The following VAV3 variants were observed in gnomAD, a reference collection of about 807,000 sequenced individuals.
The protein encoded by VAV3 is guanine nucleotide exchange factor VAV3.
In VAV3, 94 loss-of-function variants were observed where a neutral mutation model predicts 131.2. The ratio of observed to expected loss-of-function variants is 0.72; its 90% CI spans 0.61 to 0.85. VAV3 has a LOEUF of 0.85. Among genes scored for constraint, VAV3 ranks in the 40% least tolerant of loss-of-function variants. The pLI, the probability that VAV3 is intolerant of heterozygous loss-of-function variation, is 0.00. For synonymous variants in VAV3, 349 were observed against 342.0 expected (o/e 1.02, Z -0.22); for missense variants, 939 against 1,002.7 (o/e 0.94, Z 0.86).
chr1:107,730,785 G>A (rs1662190783), intron 15 of VAV3, among the ~76,000 whole-genome samples: 1 of 151,996 alleles, frequency 6.6e-6, no homozygotes, highest in Admixed American at 6.6e-5. Flanking sequence ...TGCTACACAG[G>A]AATACCTCTT....
At chr1:107,682,391 T>C (rs1658700280) in intron 19 of VAV3, among the ~76,000 whole-genome samples, 1 of 152,148 alleles carries the variant, frequency 6.6e-6, no homozygotes, top group Admixed American at 6.6e-5. Flanking sequence ...ATACCCCTAC[T>C]GAAAATAATA....
chr1:107,940,806 G>C (rs1366909777), intron 1 of VAV3, among the ~76,000 whole-genome samples: 3 of 152,112 alleles, frequency 2.0e-5, no homozygotes. Flanking sequence ...GTAGAAAGGG[G>C]GTTGCCAGGG....
chr1:107,824,242 G>A (rs1451153954), intron 2 of VAV3, among the ~76,000 whole-genome samples: 1 of 152,150 alleles, frequency 6.6e-6, no homozygotes, highest in Non-Finnish European at 1.5e-5. Flanking sequence ...CAAAAGAGAT[G>A]GGATAAAGTG....
intron 2 of VAV3, among the ~76,000 whole-genome samples, chr1:107,809,486 T>C (rs1231691574): frequency 6.6e-6 from 1 of 152,214 alleles, no homozygotes; most frequent in African/African-American, 2.4e-5. Context: ...CTCTAACTTA[T>C]AGCCAAGTCA....
intron 15 of VAV3, among the ~76,000 whole-genome samples, chr1:107,736,186 T>C (rs1467824901): frequency 6.6e-6 from 1 of 152,120 alleles, no homozygotes; most frequent in African/African-American, 2.4e-5. Flanking sequence ...CTCAATAAAC[T>C]AGGTACTGAT....
intron 19 of VAV3, among the ~76,000 whole-genome samples, chr1:107,662,056 T>C (rs896380922): frequency 3.9e-5 from 6 of 152,224 alleles, no homozygotes; most frequent in Non-Finnish European, 7.4e-5. Context: ...TAATTCATAA[T>C]GTGAATAATT....
intron 1 of VAV3, among the ~76,000 whole-genome samples, chr1:107,921,273 T>C (rs1440030271): frequency 3.9e-5 from 6 of 152,222 alleles, no homozygotes; most frequent in African/African-American, 7.2e-5. Flanking sequence ...ACCAGGCTAA[T>C]TGCCAGGTAT....
At chr1:107,674,154 G>C (rs1018715710) in intron 19 of VAV3, among the ~76,000 whole-genome samples, 3 of 152,120 alleles carry the variant, frequency 2.0e-5, no homozygotes, top group Non-Finnish European at 4.4e-5. Context: ...CCTTAAAATA[G>C]CTTTTAAAAA....
chr1:107,871,068 G>A (rs1466197708), intron 2 of VAV3, among the ~76,000 whole-genome samples: 5 of 152,082 alleles, frequency 3.3e-5, no homozygotes, highest in African/African-American at 7.2e-5. Context: ...ATAAACTGAC[G>A]ATTGAAACAG....
intron 19 of VAV3, among the ~76,000 whole-genome samples, chr1:107,664,602 C>T (rs1012542110): frequency 3.9e-5 from 6 of 152,074 alleles, no homozygotes; most frequent in African/African-American, 1.4e-4. Context: ...TTCCTGATCA[C>T]CTGCTATGTT....
At chr1:107,738,701 A>C (rs1662829812) in intron 15 of VAV3, among the ~76,000 whole-genome samples, 1 of 152,218 alleles carries the variant, frequency 6.6e-6, no homozygotes. Context: ...AGCAGCCTAA[A>C]AATAGTACAT....
At position 107,749,610 on chromosome 1, in the gene VAV3, T is replaced by A; in HGVS notation, c.1260-16A>T. 2 of 1,605,310 alleles carry A rather than the reference T, an allele frequency of 1.2e-6. No individual in the cohort carries two copies. The highest frequency in any genetic ancestry group is 1.7e-6 in the Non-Finnish European group (2 of 1,177,592). ...GAAGATATGCCTGGGAAAAAGAGATTGATTGATTGATTTTAAATGGTTTAG... is the reference window on the plus strand; with the variant it reads ...GAAGATATGCCTGGGAAAAAGAGATAGATTGATTGATTTTAAATGGTTTAG... On this transcript the variant is annotated splice_polypyrimidine_tract_variant and intron_variant, in intron 13 of 26. Coordinates refer to ENST00000370056, the MANE Select transcript of VAV3 (RefSeq NM_006113.5).
intron 21 of VAV3, among the ~76,000 whole-genome samples, chr1:107,612,517 T>C (rs1187637593): frequency 6.6e-6 from 1 of 152,132 alleles, no homozygotes; most frequent in Non-Finnish European, 1.5e-5. Flanking sequence ...TTGAGCACCA[T>C]GATAACAGCT....
At chr1:107,698,383 C>A (rs2101817772) in intron 17 of VAV3, among the ~76,000 whole-genome samples, 1 of 152,298 alleles carries the variant, frequency 6.6e-6, no homozygotes, top group Middle Eastern at 3.4e-3. Context: ...GGGAAGCAAA[C>A]AATACAGTGT....
In VAV3 at chr1:107,769,488, TGA is replaced by T. The variant is rs151000356; in HGVS notation, c.649-981_649-980del. Among the ~76,000 whole-genome samples the T allele has an allele frequency of 3.2e-3, 480 of 152,338 alleles. 2 individuals are homozygous for T. The highest frequency in any genetic ancestry group is 0.011 in the African/African-American group (468 of 41,580). On this transcript the variant is annotated intron_variant, in intron 6 of 26. Coordinates refer to ENST00000370056, the MANE Select transcript of VAV3 (RefSeq NM_006113.5). ...CACTTCTTTCCCTAACCTCTAAATG[TGA>T]GAGTCTGGAGAGCTGGCCTCAAACC...
At chr1:107,856,478 G>A (rs1669474805) in intron 2 of VAV3, among the ~76,000 whole-genome samples, 1 of 151,640 alleles carries the variant, frequency 6.6e-6, no homozygotes, top group African/African-American at 2.4e-5. Flanking sequence ...CTGATTTACT[G>A]ATCAAAAGAC....
Position 107,576,419 on chromosome 1 carries a change from G to A in VAV3, c.2351-2221C>T, listed in dbSNP as rs535511057. 3.9e-6 allele frequency: 6 copies of A among 1,524,480 alleles called. No homozygotes were observed. In the Admixed American group the frequency reaches 1.0e-4, roughly 26 times the overall value. 94.4% of individuals were successfully genotyped at this position (1,524,480 alleles called of 1,614,324 possible). ...GACCAGAAAGGAGTGGAAGAAGGGG[G>A]AACAAAGCTGTAGTCTGGAGGAGTT... is the stretch of plus-strand genomic sequence containing the variant. On this transcript the variant is annotated intron_variant, in intron 25 of 26. Coordinates refer to ENST00000370056, the MANE Select transcript of VAV3 (RefSeq NM_006113.5).
intron 15 of VAV3, among the ~76,000 whole-genome samples, chr1:107,728,260 T>C (rs1661974343): frequency 6.6e-6 from 1 of 152,108 alleles, no homozygotes; most frequent in Non-Finnish European, 1.5e-5. Context: ...GGAAAGGTAC[T>C]CACTAACACA....
At chr1:107,683,402 T>C (rs948302412) in intron 19 of VAV3, 86 bp downstream of exon 19, 29 of 1,480,930 alleles carry the variant, frequency 2.0e-5, no homozygotes, top group South Asian at 1.7e-4. Context: ...GCCAACAATA[T>C]GCCTCACTTT....
Sources: gnomAD v4.1 joint callset for allele counts (sites outside exome capture counted in the v4.1 genomes callset) on GRCh38, gnomAD v4.1.1 for gene constraint, MANE v1.5 for transcripts, NCBI Gene and HGNC (gene_info 2026-07-23, HGNC 2026-07-21) for gene names.